UBAP2L: variants seen among roughly 807,000 people sequenced by gnomAD.
UBAP2L encodes ubiquitin associated protein 2 like.
In UBAP2L, 12 loss-of-function variants were observed where a neutral mutation model predicts 130.6. The ratio of observed to expected loss-of-function variants is 0.09; its 90% CI spans 0.06 to 0.15. UBAP2L has a LOEUF of 0.15. UBAP2L is among the 10% of genes least tolerant of loss of function. The probability of loss-of-function intolerance (pLI) is 1.00; values close to 1 mark genes in which losing one functional copy is unlikely to be tolerated. For missense variants in UBAP2L, 965 were observed against 1,332.5 expected (o/e 0.72, Z 4.29); for synonymous variants, 503 against 524.7 (o/e 0.96, Z 0.57).
chr1:154,236,482 G>T, intron 6 of UBAP2L, 84 bp from the exon 7 acceptor site: 6 of 1,444,032 alleles, frequency 4.2e-6, no homozygotes, highest in Non-Finnish European at 5.8e-6. Flanking sequence ...TTACCACCGG[G>T]AGCCACTGTG....
intron 1 of UBAP2L, among the ~76,000 whole-genome samples, chr1:154,223,872 T>C (rs538222150): frequency 7.5e-4 from 114 of 152,258 alleles, no homozygotes; most frequent in African/African-American, 2.5e-3. Flanking sequence ...TCCAGTAATA[T>C]CTCTGGGCAG....
In UBAP2L at chr1:154,257,066, A is replaced by G. The variant is rs1679927815; in HGVS notation, c.2161A>G (p.Thr721Ala). 6.2e-7 allele frequency: 1 copy of G among 1,613,102 alleles called. No homozygotes were observed. Among genetic ancestry groups the G allele is most frequent in the Admixed American group, 1.7e-5 (1 of 60,002 alleles). The change falls in exon 19 of 27, where the codon ACA (threonine) becomes GCA (alanine). Residue 721 changes from threonine (T) to alanine (A), a missense_variant. This residue lies in a region of UBAP2L where 393 missense variants were observed against 408.1 expected (regional missense o/e 0.96). Transcript: ENST00000428931. ...TCCACTGCTCCCCCTTTTGAAGCAC[A>G]CAAGTGTGGAGAGTGAGGCGAATCT... is the stretch of plus-strand genomic sequence containing the variant. Reference protein sequence around the residue: ...GRTSTSTLLHTSVESEANLHS... With the variant: ...GRTSTSTLLHASVESEANLHS...
chr1:154,225,228 G>A lies in UBAP2L; in HGVS notation c.90+15G>A. The A allele has an allele frequency of 6.2e-7, 1 of 1,613,218 alleles. No homozygotes were observed. Among genetic ancestry groups the A allele is most frequent in the Non-Finnish European group, 8.5e-7 (1 of 1,179,482 alleles). On this transcript the variant is annotated intron_variant, in intron 2 of 26. Coordinates refer to ENST00000428931, the MANE Select transcript of UBAP2L (RefSeq NM_014847.4). ...AGCGGCCACAGGTAAATAATCCAAG[G>A]CATACGGATTCATGGATAGCGTTGC...
At chr1:154,233,602 T>C (rs1418219309) in intron 4 of UBAP2L, among the ~76,000 whole-genome samples, 1 of 150,474 alleles carries the variant, frequency 6.6e-6, no homozygotes, top group Non-Finnish European at 1.5e-5. Flanking sequence ...GGATTACAGG[T>C]GTGAGCCACC....
At position 154,249,454 on chromosome 1, in the gene UBAP2L, T is replaced by A; in HGVS notation, c.1213+17T>A. 1 of 1,613,756 alleles carries A rather than the reference T, an allele frequency of 6.2e-7. No homozygotes were observed. The highest frequency in any genetic ancestry group is 8.5e-7 in the Non-Finnish European group (1 of 1,179,920). On this transcript the variant is annotated intron_variant, in intron 12 of 26. Coordinates refer to ENST00000428931, the MANE Select transcript of UBAP2L (RefSeq NM_014847.4). ...TGCAGTATGGTGAGAAGATGGAAAG[T>A]GACTTGAATCTTTAAAGCATTGGAG...
In UBAP2L at chr1:154,255,286, A is replaced by G. The variant is rs763225300; in HGVS notation, c.2044A>G (p.Ser682Gly). 1.2e-6 allele frequency: 2 copies of G among 1,614,184 alleles called. No individual in the cohort carries two copies. Among genetic ancestry groups the G allele is most frequent in the South Asian group, 1.1e-5 (1 of 91,086 alleles). Reference sequence around the variant, plus strand: ...ATCCTCCTTGGGTGGCTTGAGCCACAGTGAGGAGATTCCAAATACTACCAC... The same window carrying G: ...ATCCTCCTTGGGTGGCTTGAGCCACGGTGAGGAGATTCCAAATACTACCAC... ...HSSSLGGLSH[S>G]EEIPNTTTTQ... The change falls in exon 17 of 27, where the codon AGT becomes GGT. Residue 682 changes from serine to glycine, a missense_variant. By Grantham distance (56) the Ser-to-Gly change is moderately conservative. Coordinates refer to ENST00000428931, the MANE Select transcript of UBAP2L (RefSeq NM_014847.4).
At chr1:154,268,665 T>C in intron 25 of UBAP2L, 92 bp from the exon 26 acceptor site, 1 of 1,300,726 alleles carries the variant, frequency 7.7e-7, no homozygotes, top group Non-Finnish European at 1.1e-6. Flanking sequence ...ACCATGCTGC[T>C]TTCTGAGGGT....
chr1:154,225,203 A>C lies in UBAP2L; in HGVS notation c.80A>C (p.Gln27Pro). The change falls in exon 2 of 27, where the codon CAG (glutamine) becomes CCG (proline). Residue 27 changes from glutamine (Q) to proline (P), a missense_variant. Physicochemically the swap from Gln to Pro is moderately conservative, Grantham distance 76. Around this residue, in one of 9 missense-constraint regions of UBAP2L, gnomAD observed 34 missense variants for 101.4 expected, o/e 0.34. Transcript: ENST00000428931. Reference protein sequence around the residue: ...PQNQNQTQHKQRPQATAEQIR... With the variant: ...PQNQNQTQHKPRPQATAEQIR... ...AACCAAAACCAGACACAGCACAAGC[A>C]GCGGCCACAGGTAAATAATCCAAGG... 6.2e-7 allele frequency: 1 copy of C among 1,614,136 alleles called. No individual in the cohort carries two copies. The highest frequency in any genetic ancestry group is 8.5e-7 in the Non-Finnish European group (1 of 1,180,004).
At chr1:154,263,909 A>G (rs920694469) in intron 24 of UBAP2L, among the ~76,000 whole-genome samples, 3 of 152,178 alleles carry the variant, frequency 2.0e-5, no homozygotes, top group Non-Finnish European at 2.9e-5. Context: ...CTGGTTCCTA[A>G]AGGCCAAGTG....
intron 20 of UBAP2L, chr1:154,257,683 A>G: frequency 4.3e-6 from 2 of 468,328 alleles, no homozygotes; most frequent in South Asian, 6.7e-5. Flanking sequence ...TTAAGGGTCA[A>G]CTGTAATTAA....
chr1:154,225,143 C>G lies in UBAP2L; in HGVS notation c.20C>G (p.Thr7Ser). Residue 7 changes from threonine (T) to serine (S), a missense_variant, in exon 2 of 27, where the codon ACT (threonine) becomes AGT (serine). Around this residue, in one of 9 missense-constraint regions of UBAP2L, gnomAD observed 24 missense variants for 27.7 expected, o/e 0.87. Coordinates refer to ENST00000428931, the MANE Select transcript of UBAP2L (RefSeq NM_014847.4). MMTSVG[T>S]NRARGNWEQP... ...CTGTAAATGATGACATCGGTGGGCA[C>G]TAACCGAGCCCGGGGAAACTGGGAA... is the stretch of plus-strand genomic sequence containing the variant. 2 of 1,614,106 alleles carry G rather than the reference C, an allele frequency of 1.2e-6. No homozygotes were observed. The highest frequency in any genetic ancestry group is 2.2e-5 in the East Asian group (1 of 44,876).
intron 20 of UBAP2L, 95 bp downstream of exon 20, chr1:154,257,529 A>C: frequency 7.5e-7 from 1 of 1,328,512 alleles, no homozygotes; most frequent in East Asian, 2.3e-5. Flanking sequence ...TGAATACCAA[A>C]ACTTGCACAT....
intron 24 of UBAP2L, chr1:154,263,095 C>G (rs1156442913): frequency 1.3e-6 from 2 of 1,551,342 alleles, no homozygotes; most frequent in African/African-American, 1.4e-5. Context: ...GTATTTGATT[C>G]CTTTTAGGAA....
chr1:154,246,362 CTCATCACAG>C lies in UBAP2L; in HGVS notation c.1003_1011del (p.His335_Ser337del). 6.2e-7 allele frequency: 1 copy of C among 1,612,786 alleles called. No homozygotes were observed. Among genetic ancestry groups the C allele is most frequent in the Non-Finnish European group, 8.5e-7 (1 of 1,179,374 alleles). On this transcript the variant is annotated inframe_deletion, in exon 11 of 27. Transcript: ENST00000428931. ...CAGCCTGCTTCAGGGAACACATTTT[CTCATCACAG>C]TATGGTGAGTAGGAAACGTGGTTTA...
At chr1:154,220,600 T>C (rs953773271), upstream of UBAP2L, 7 of 613,286 alleles carry the variant, frequency 1.1e-5, no homozygotes, top group Non-Finnish European at 2.0e-5. Flanking sequence ...GAACGACGCC[T>C]TCCAGCTTCC....
rs536531499 is a variant in UBAP2L, at chr1:154,267,595, A to G, written c.2970+1027A>G. On this transcript the variant is annotated intron_variant, in intron 25 of 26. Coordinates refer to ENST00000428931, the MANE Select transcript of UBAP2L (RefSeq NM_014847.4). The stretch of plus-strand genomic sequence containing the variant: ...CTCAGCCTTCTGAGTAGCTGGGGCT[A>G]TAGGTGTACACCACCAGGCCTGCCT... Among the ~76,000 whole-genome samples the G allele has an allele frequency of 1.2e-3, 180 of 150,868 alleles. 2 individuals are homozygous for G. Among genetic ancestry groups the G allele is most frequent in the African/African-American group, 3.8e-3 (154 of 40,976 alleles).
chr1:154,263,550 A>G (rs982505794), intron 24 of UBAP2L: 4 of 994,212 alleles, frequency 4.0e-6, no homozygotes, highest in Admixed American at 6.0e-5. Flanking sequence ...CTAGGAACCA[A>G]TGCTGTGCTG....
In UBAP2L at chr1:154,255,759, A is replaced by G. The variant is rs200961469; in HGVS notation, c.2157+4A>G. The G allele has an allele frequency of 8.0e-5, 129 of 1,614,030 alleles. No individual in the cohort carries two copies. In the African/African-American group the frequency reaches 1.4e-3, roughly 18 times the overall value. ...CACTTCGACATCCACTCTTTTGGTA[A>G]GTGTGATGCTGAGAGGGATGTGTGG... On this transcript the variant is annotated splice_donor_region_variant and intron_variant, in intron 18 of 26. Transcript: ENST00000428931.
chr1:154,269,019 C>T, intron 26 of UBAP2L, 65 bp downstream of exon 26: 3 of 1,577,034 alleles, frequency 1.9e-6, no homozygotes, highest in Non-Finnish European at 2.6e-6. Context: ...AACTGCCTTC[C>T]CTTTCCTTTT....
Sources: allele counts gnomAD v4.1 joint callset (sites outside exome capture counted in the v4.1 genomes callset), GRCh38; gene constraint gnomAD v4.1.1; regional missense constraint gnomAD v4.1.1; transcripts MANE v1.5; gene names NCBI Gene and HGNC (gene_info 2026-07-23, HGNC 2026-07-21).